The following CLCN1 variants were observed in gnomAD, a reference collection of about 807,000 sequenced individuals.
The protein encoded by CLCN1 is chloride voltage-gated channel 1, also known as chloride channel protein 1.
In CLCN1, 100 loss-of-function variants were observed where a neutral mutation model predicts 114.5. The ratio of observed to expected loss-of-function variants is 0.87; its 90% CI spans 0.74 to 1.03. The LOEUF (loss-of-function observed/expected upper bound fraction) is 1.03, where lower values mean the gene tolerates loss of function less well. CLCN1 is among the 50% of genes least tolerant of loss of function. The pLI is 0.00. For synonymous variants in CLCN1, 485 were observed against 487.1 expected, an observed-to-expected ratio of 1.00 and a Z score of 0.06; for missense variants, 1,188 against 1,250.0, an observed-to-expected ratio of 0.95 and a Z score of 0.75.
chr7:143,317,924 T>C (rs753851760), intron 1 of CLCN1, among the ~76,000 whole-genome samples: 5 of 152,182 alleles, frequency 3.3e-5, no homozygotes, highest in African/African-American at 4.8e-5. Flanking sequence ...GGATGGCAAC[T>C]TGAGTAACAG....
intron 2 of CLCN1, 119 bp from the exon 3 acceptor site, chr7:143,320,545 A>T (rs1251368879): frequency 1.4e-6 from 1 of 717,386 alleles, no homozygotes; most frequent in African/African-American, 1.9e-5. Flanking sequence ...GTGACTCGTT[A>T]GCTGCTTTTC....
Position 143,321,963 on chromosome 7 carries a change from A to T in CLCN1, c.696+115A>T. The T allele has an allele frequency of 8.4e-7, 1 of 1,196,828 alleles. No homozygotes were observed. The allele number at this position is 1,196,828 out of a possible 1,614,324, so 74.1% of individuals were successfully genotyped here. ...TGGATCAGGGGACAGGACCAAGGCCAGGGCCAGGGGACACTAGGAAGGGGA... is the reference window on the plus strand; with the variant it reads ...TGGATCAGGGGACAGGACCAAGGCCTGGGCCAGGGGACACTAGGAAGGGGA... On this transcript the variant is annotated intron_variant, in intron 5 of 22. Coordinates refer to ENST00000343257, the MANE Select transcript of CLCN1 (RefSeq NM_000083.3). This position sits in a 1 kb window ranked among gnomAD's most constrained non-coding sequence, Gnocchi z 4.2.
chr7:143,330,647 CT>C lies in CLCN1; in HGVS notation c.854-122del. On this transcript the variant is annotated intron_variant, in intron 7 of 22. Transcript: ENST00000343257. Reference sequence around the variant, plus strand: ...AGCATGGGAATCCAAGAGATCATTACTTTCCACTACTGCTTCCACCCAGATT... The same window carrying C: ...AGCATGGGAATCCAAGAGATCATTACTTCCACTACTGCTTCCACCCAGATT... 3 of 1,272,414 alleles carry C rather than the reference CT, an allele frequency of 2.4e-6. No homozygotes were observed. In the South Asian group the frequency reaches 3.7e-5, roughly 16 times the overall value. The allele number at this position is 1,272,414 out of a possible 1,614,324, so 78.8% of individuals were successfully genotyped here.
chr7:143,321,477 C>T lies in CLCN1; in HGVS notation c.546C>T (p.Ile182=), dbSNP rs980845093. The change falls in exon 4 of 23, where the codon ATC becomes ATT. Residue 182 remains isoleucine, a synonymous_variant. Transcript: ENST00000343257. The surrounding 1 kb of genome is among the most constrained non-coding windows in gnomAD (Gnocchi z 4.2). ...ILFSALFCHL[I]SPQAVGSGIP... The stretch of plus-strand genomic sequence containing the variant: ...TCAGCGCCCTCTTCTGCCACCTCAT[C>T]TCTCCCCAGGCTGTTGGTGAGAACT... The T allele has an allele frequency of 6.2e-7, 1 of 1,614,154 alleles. No individual in the cohort carries two copies. Among genetic ancestry groups the T allele is most frequent in the Non-Finnish European group, 8.5e-7 (1 of 1,180,040 alleles).
intron 18 of CLCN1, 100 bp downstream of exon 18, chr7:143,346,351 G>A (rs1803246399): frequency 1.2e-6 from 1 of 827,364 alleles, no homozygotes; most frequent in African/African-American, 1.7e-5. Context: ...TGCGGGGTGG[G>A]GTGGGGGGTG....
At chr7:143,342,924 ACT>A (rs1803127421) in intron 16 of CLCN1, among the ~76,000 whole-genome samples, 1 of 150,774 alleles carries the variant, frequency 6.6e-6, no homozygotes, top group Admixed American at 6.6e-5. Context: ...CAAGAATGAA[ACT>A]CTGTTAAAAA....
In CLCN1 at chr7:143,319,762, G is replaced by A; in HGVS notation, c.188G>A (p.Gly63Asp). 6.2e-7 allele frequency: 1 copy of A among 1,613,862 alleles called. No homozygotes were observed. The highest frequency in any genetic ancestry group is 8.5e-7 in the Non-Finnish European group (1 of 1,179,834). ...CATTCTCTCTCTGTCCAGATTTATG[G>A]CCATCACAAAGAACAATTCTCAGAC... is the stretch of plus-strand genomic sequence containing the variant. Reference protein sequence around the residue: ...RHNVHPTQIYGHHKEQFSDRE... With the variant: ...RHNVHPTQIYDHHKEQFSDRE... Residue 63 changes from glycine (G) to aspartate (D), a missense_variant, in exon 2 of 23, where the codon GGC (glycine) becomes GAC (aspartate). Physicochemically the swap from Gly to Asp is moderately conservative, Grantham distance 94. Coordinates refer to ENST00000343257, the MANE Select transcript of CLCN1 (RefSeq NM_000083.3).
chr7:143,346,888 G>A, intron 19 of CLCN1, 23 bp from the exon 20 acceptor site: 1 of 1,611,280 alleles, frequency 6.2e-7, no homozygotes, highest in Non-Finnish European at 8.5e-7. Flanking sequence ...GAAAGAACTT[G>A]GACCTATGTC....
In CLCN1 at chr7:143,321,874, A is replaced by AGCTTCAGTCTGAGG. The variant is rs752139031; in HGVS notation, c.696+29_696+30insTCAGTCTGAGGGCT. ...GTAGGCCTGGCATGACTGAAGCCAG[A>AGCTTCAGTCTGAGG]GCTGGGAGGGGCCCTCAGGAGCCAG... On this transcript the variant is annotated intron_variant, in intron 5 of 22. Transcript: ENST00000343257. This position sits in a 1 kb window ranked among gnomAD's most constrained non-coding sequence, Gnocchi z 4.2. 2.5e-6 allele frequency: 4 copies of AGCTTCAGTCTGAGG among 1,612,242 alleles called. No individual in the cohort carries two copies. In the Admixed American group the frequency reaches 5.0e-5, roughly 20 times the overall value.
rs138161782 is a variant in CLCN1 at position 143,349,812 on chromosome 7, C to T, written c.2404-560C>T. Among the ~76,000 whole-genome samples the T allele has an allele frequency of 1.2e-3, 189 of 152,296 alleles. 2 individuals carry two copies. The Middle Eastern group carries it at 0.02, about 16-fold the overall frequency. The stretch of plus-strand genomic sequence containing the variant: ...TGCAGAGGTAAGACAGATGCCAATA[C>T]AGCAGGAAGTATGGCCAATGTCATT... On this transcript the variant is annotated intron_variant, in intron 20 of 22. Coordinates refer to ENST00000343257, the MANE Select transcript of CLCN1 (RefSeq NM_000083.3).
At position 143,330,769 on chromosome 7, in the gene CLCN1, C is replaced by T. The variant is rs202177584; in HGVS notation, c.854-3C>T. On this transcript the variant is annotated splice_polypyrimidine_tract_variant and splice_region_variant and intron_variant, in intron 7 of 22. Transcript: ENST00000343257. ...CCCCAACCACACTTCTGTGCCCCTG[C>T]AGGAGTGCTATTTAGCATCGAGGTC... The T allele has an allele frequency of 1.2e-6, 2 of 1,614,084 alleles. No homozygotes were observed. The highest frequency in any genetic ancestry group is 4.5e-5 in the East Asian group (2 of 44,874).
chr7:143,327,205 G>T (rs1426920820), intron 7 of CLCN1, among the ~76,000 whole-genome samples: 1 of 150,896 alleles, frequency 6.6e-6, no homozygotes, highest in Non-Finnish European at 1.5e-5. Flanking sequence ...GAGATCGCGC[G>T]TCACTGCACT....
At chr7:143,346,475 TG>T in intron 18 of CLCN1, 103 bp from the exon 19 acceptor site, 1 of 877,902 alleles carries the variant, frequency 1.1e-6, no homozygotes, top group Non-Finnish European at 1.9e-6. Flanking sequence ...GTGAGGTACC[TG>T]GGAAGTGCAG....
At position 143,321,377 on chromosome 7, in the gene CLCN1, C is replaced by T. The variant is rs750408091; in HGVS notation, c.446C>T (p.Ser149Phe). The T allele has an allele frequency of 1.9e-6, 3 of 1,614,222 alleles. No individual in the cohort carries two copies. The highest frequency in any genetic ancestry group is 2.5e-6 in the Non-Finnish European group (3 of 1,180,048). ...SAKSLQAYKW[S>F]YAQMQPSLPL... Reference sequence around the variant, plus strand: ...TGTGTCTCCGCAGCCTACAAGTGGTCCTACGCGCAGATGCAGCCCAGCCTT... The same window carrying T: ...TGTGTCTCCGCAGCCTACAAGTGGTTCTACGCGCAGATGCAGCCCAGCCTT... Residue 149 changes from serine to phenylalanine, a missense_variant, in exon 4 of 23, where the codon TCC (serine) becomes TTC (phenylalanine). By Grantham distance (155) the Ser-to-Phe change is radical (BLOSUM62 -2). Transcript: ENST00000343257. The surrounding 1 kb of genome is among the most constrained non-coding windows in gnomAD (Gnocchi z 4.2).
chr7:143,331,488 T>C (rs1802722579), intron 9 of CLCN1, 63 bp from the exon 10 acceptor site: 1 of 1,270,374 alleles, frequency 7.9e-7, no homozygotes, highest in African/African-American at 1.5e-5. Flanking sequence ...CCTGCAGTAG[T>C]TATGTCCAAG....
At position 143,321,074 on chromosome 7, in the gene CLCN1, T is replaced by C. The variant is rs1802417936; in HGVS notation, c.433+279T>C. Among the ~76,000 whole-genome samples the C allele has an allele frequency of 6.6e-6, 1 of 152,112 alleles. No individual in the cohort carries two copies. Among genetic ancestry groups the C allele is most frequent in the Non-Finnish European group, 1.5e-5 (1 of 68,012 alleles). On this transcript the variant is annotated intron_variant, in intron 3 of 22. Transcript: ENST00000343257. This position sits in a 1 kb window ranked among gnomAD's most constrained non-coding sequence, Gnocchi z 4.2. ...CCAGGGACTTTCCCAGTTTCAGCAC[T>C]GAACATCCCGAATCCCAGGAAGCCC...
chr7:143,337,134 C>T (rs1013548000), intron 12 of CLCN1, among the ~76,000 whole-genome samples: 1 of 152,140 alleles, frequency 6.6e-6, no homozygotes, highest in Admixed American at 6.5e-5. Context: ...ATGAGCATTA[C>T]TCTTTAGTGT....
At chr7:143,331,674 G>C in intron 10 of CLCN1, 22 bp downstream of exon 10, 1 of 1,530,648 alleles carries the variant, frequency 6.5e-7, no homozygotes, top group Non-Finnish European at 9.1e-7. Context: ...CCCTTCTTTT[G>C]CCCTACCCAT....
In CLCN1 at chr7:143,331,652, A is replaced by T; in HGVS notation, c.1166A>T (p.His389Leu). 1 of 1,605,236 alleles carries T rather than the reference A, an allele frequency of 6.2e-7. No homozygotes were observed. The change falls in exon 10 of 23, where the codon CAC (histidine) becomes CTC (leucine). Residue 389 changes from histidine to leucine, a missense_variant and splice_region_variant. Transcript: ENST00000343257. ...GCCCTCAGCCAGTTTCTTGCTAAGC[A>T]GTGAGTCACTGCCCTTCTTTTGCCC... Reference protein sequence around the residue: ...HKALSQFLAKHRLLYPGIVTF... With the variant: ...HKALSQFLAKLRLLYPGIVTF...
Sources: allele counts gnomAD v4.1 joint callset (sites outside exome capture counted in the v4.1 genomes callset), GRCh38; gene constraint gnomAD v4.1.1; non-coding constraint Gnocchi (gnomAD v3.1); transcripts MANE v1.5; gene names NCBI Gene and HGNC (gene_info 2026-07-23, HGNC 2026-07-21).